Variants in USH2A observed in about 807,000 individuals in gnomAD.
USH2A encodes the protein usherin, also known as Usher syndrome 2A (autosomal recessive, mild).
Under a neutral mutation model 538.9 loss-of-function variants are expected in USH2A, and 443 were observed. The ratio of observed to expected loss-of-function variants is 0.82; its 90% CI spans 0.76 to 0.89. The LOEUF is 0.89. Ranked by LOEUF, USH2A falls within the 40% of genes least tolerant of loss-of-function variation. The probability of loss-of-function intolerance (pLI) is 0.00; values close to 1 mark genes in which losing one functional copy is unlikely to be tolerated. For missense variants in USH2A, 6,633 were observed against 6,324.8 expected (o/e 1.05, Z -1.65); for synonymous variants, 2,413 against 2,273.5 (o/e 1.06, Z -1.75).
intron 9 of USH2A, among the ~76,000 whole-genome samples, chr1:216,307,787 G>T (rs1240044063): frequency 6.6e-6 from 1 of 152,100 alleles, no homozygotes; most frequent in African/African-American, 2.4e-5. Flanking sequence ...CTTATATTTT[G>T]TTCAGCTCTC....
At chr1:215,645,750 G>A (rs945132166) in intron 67 of USH2A, among the ~76,000 whole-genome samples, 10 of 152,100 alleles carry the variant, frequency 6.6e-5, no homozygotes, top group African/African-American at 7.2e-5. Context: ...TTTATAATCT[G>A]ACATAATCTT....
intron 43 of USH2A, 117 bp downstream of exon 43, chr1:215,877,641 G>A (rs978541209): frequency 4.7e-6 from 7 of 1,489,846 alleles, no homozygotes; most frequent in South Asian, 2.3e-5. Context: ...AACCAAACAT[G>A]TTTTATTGCA....
At chr1:216,373,296 C>A (rs1449140130) in intron 3 of USH2A, among the ~76,000 whole-genome samples, 1 of 152,130 alleles carries the variant, frequency 6.6e-6, no homozygotes, top group Non-Finnish European at 1.5e-5. Context: ...TGGTTAGGAA[C>A]AAAGATGAGA....
intron 20 of USH2A, among the ~76,000 whole-genome samples, chr1:216,179,400 C>G (rs1312566457): frequency 6.6e-6 from 1 of 152,014 alleles, no homozygotes; most frequent in Admixed American, 6.6e-5. Context: ...AGTAGTAGAG[C>G]ACTTCTTGAT....
intron 47 of USH2A, among the ~76,000 whole-genome samples, chr1:215,835,758 GTCAT>G (rs1663462103): frequency 6.6e-6 from 1 of 151,990 alleles, no homozygotes; most frequent in East Asian, 1.9e-4. Context: ...TTTGTTTCCT[GTCAT>G]TATTGTCTTT....
intron 37 of USH2A, among the ~76,000 whole-genome samples, chr1:215,956,112 C>T (rs1667061831): frequency 6.6e-6 from 1 of 152,128 alleles, no homozygotes; most frequent in Non-Finnish European, 1.5e-5. Context: ...CTACTGAGAA[C>T]CTCCTAGGTA....
At chr1:216,276,582 A>C (rs78281504) in intron 11 of USH2A, among the ~76,000 whole-genome samples, 9,938 of 152,154 alleles carry the variant, frequency 0.065, 436 homozygotes, top group Middle Eastern at 0.16. Context: ...AAGCCAGTGT[A>C]CTCGTCTGTT....
At chr1:216,145,150 T>A (rs988006384) in intron 21 of USH2A, among the ~76,000 whole-genome samples, 1 of 152,146 alleles carries the variant, frequency 6.6e-6, no homozygotes, top group East Asian at 1.9e-4. Context: ...TCTCTCTGTC[T>A]CTCATTTCAA....
chr1:215,969,644 T>C (rs1558187625), intron 36 of USH2A, among the ~76,000 whole-genome samples: 1 of 152,026 alleles, frequency 6.6e-6, no homozygotes, highest in East Asian at 1.9e-4. Context: ...TATAAAATGC[T>C]TAATGGCAAT....
At chr1:216,387,812 G>C (rs934717964) in intron 3 of USH2A, among the ~76,000 whole-genome samples, 1 of 152,050 alleles carries the variant, frequency 6.6e-6, no homozygotes, top group African/African-American at 2.4e-5. Flanking sequence ...CATTTAACCT[G>C]AAAGGACACC....
intron 64 of USH2A, among the ~76,000 whole-genome samples, chr1:215,654,985 T>C (rs1289666624): frequency 6.6e-6 from 1 of 152,242 alleles, no homozygotes. Flanking sequence ...ATGAATTTAA[T>C]CATTTGTTCT....
intron 61 of USH2A, among the ~76,000 whole-genome samples, chr1:215,707,783 T>A (rs1659221603): frequency 1.3e-5 from 2 of 152,162 alleles, no homozygotes. Context: ...CCATTAGGAA[T>A]GTAAAACTCA....
At chr1:215,660,415 G>A (rs1657405173) in intron 64 of USH2A, among the ~76,000 whole-genome samples, 2 of 152,064 alleles carry the variant, frequency 1.3e-5, no homozygotes, top group African/African-American at 4.8e-5. Flanking sequence ...ATCTAGTGGG[G>A]CTAGATAGCA....
At chr1:216,074,078 C>A (rs74143932) in intron 27 of USH2A, among the ~76,000 whole-genome samples, 21 of 152,342 alleles carry the variant, frequency 1.4e-4, no homozygotes, top group African/African-American at 5.0e-4. Flanking sequence ...ACACCCACTG[C>A]GCAGTACCAT....
chr1:216,072,851 G>A (rs1353633386), intron 29 of USH2A, 38 bp downstream of exon 29: 4 of 1,532,908 alleles, frequency 2.6e-6, no homozygotes, highest in African/African-American at 1.4e-5. Flanking sequence ...ACATGCATGT[G>A]TGTGTGTGCA....
intron 21 of USH2A, among the ~76,000 whole-genome samples, chr1:216,142,525 A>C (rs2033621525): frequency 6.6e-6 from 1 of 152,134 alleles, no homozygotes; most frequent in Non-Finnish European, 1.5e-5. Flanking sequence ...GTCTAATCCT[A>C]TGCACTTAGC....
At chr1:215,874,089 A>T (rs2102447101) in intron 43 of USH2A, among the ~76,000 whole-genome samples, 1 of 152,270 alleles carries the variant, frequency 6.6e-6, no homozygotes. Context: ...GTGAAGGTAG[A>T]TTGATGCTTA....
At chr1:216,302,787 A>G (rs1319691177) in intron 9 of USH2A, among the ~76,000 whole-genome samples, 2 of 152,098 alleles carry the variant, frequency 1.3e-5, no homozygotes, top group Non-Finnish European at 2.9e-5. Flanking sequence ...AAATTATCCA[A>G]TGAAACAAAT....
chr1:216,227,437 GT>G (rs1338525279), intron 14 of USH2A, among the ~76,000 whole-genome samples: 20 of 152,172 alleles, frequency 1.3e-4, no homozygotes, highest in Non-Finnish European at 2.6e-4. Context: ...AAAGGAAGGA[GT>G]TTGTAGAATG....
Sources: allele counts gnomAD v4.1 joint callset (sites outside exome capture counted in the v4.1 genomes callset), GRCh38; gene constraint gnomAD v4.1.1; transcripts MANE v1.5; gene names NCBI Gene and HGNC (gene_info 2026-07-23, HGNC 2026-07-21).